ROBO1: variants seen among roughly 807,000 people sequenced by gnomAD.
ROBO1 encodes the protein roundabout guidance receptor 1, also known as roundabout homolog 1.
A neutral mutation model predicts 195.9 loss-of-function variants in ROBO1; 149 were observed. The ratio of observed to expected loss-of-function variants is 0.76; its 90% CI spans 0.67 to 0.87. The LOEUF is 0.87. Ranked by LOEUF, ROBO1 falls within the 40% of genes least tolerant of loss-of-function variation. ROBO1 has a pLI of 0.00. For missense variants in ROBO1, 1,933 were observed against 2,068.3 expected, an observed-to-expected ratio of 0.93 and a Z score of 1.27; for synonymous variants, 816 against 733.2, an observed-to-expected ratio of 1.11 and a Z score of -1.82.
chr3:79,527,545 TAGAAAA>T (rs1012274922), intron 2 of ROBO1, among the ~76,000 whole-genome samples: 3 of 151,894 alleles, frequency 2.0e-5, no homozygotes, highest in East Asian at 1.9e-4. Context: ...TATCTCTAGA[TAGAAAA>T]AGAAAATTCA....
intron 4 of ROBO1, among the ~76,000 whole-genome samples, chr3:78,838,332 T>C (rs1440101616): frequency 1.3e-5 from 2 of 152,240 alleles, no homozygotes; most frequent in African/African-American, 4.8e-5. Flanking sequence ...AACAATCTTG[T>C]CTGGCTCTCC....
At chr3:79,167,797 G>C (rs2081095296) in intron 2 of ROBO1, among the ~76,000 whole-genome samples, 2 of 152,140 alleles carry the variant, frequency 1.3e-5, no homozygotes, top group African/African-American at 4.8e-5. Context: ...TTTTGGTTTT[G>C]AGGTTTATTA....
chr3:79,408,251 A>T (rs1044828963), intron 2 of ROBO1, among the ~76,000 whole-genome samples: 8 of 151,882 alleles, frequency 5.3e-5, no homozygotes, highest in African/African-American at 1.9e-4. Context: ...AAATTAAAAA[A>T]TTTGGGAGAA....
chr3:79,023,864 C>T (rs536195484), intron 3 of ROBO1, among the ~76,000 whole-genome samples: 8 of 150,998 alleles, frequency 5.3e-5, no homozygotes, highest in South Asian at 2.1e-4. Flanking sequence ...CCACCACACC[C>T]GGCTATTTTT....
chr3:79,760,884 A>G (rs1704662749), intron 1 of ROBO1, among the ~76,000 whole-genome samples: 1 of 151,610 alleles, frequency 6.6e-6, no homozygotes, highest in African/African-American at 2.4e-5. Flanking sequence ...GAAGAAACAC[A>G]TTACACGTCA....
intron 1 of ROBO1, among the ~76,000 whole-genome samples, chr3:79,747,765 T>C (rs1703938507): frequency 6.6e-6 from 1 of 151,960 alleles, no homozygotes; most frequent in Admixed American, 6.6e-5. Flanking sequence ...GACAAATATG[T>C]AGTGTGTTTC....
At chr3:79,630,536 G>A (rs956278808) in intron 1 of ROBO1, among the ~76,000 whole-genome samples, 3 of 151,922 alleles carry the variant, frequency 2.0e-5, no homozygotes, top group Non-Finnish European at 4.4e-5. Flanking sequence ...CAACATCATT[G>A]TGAATGGGAA....
chr3:79,006,818 C>T (rs1042886176), intron 3 of ROBO1, among the ~76,000 whole-genome samples: 1 of 149,360 alleles, frequency 6.7e-6, no homozygotes, highest in African/African-American at 2.5e-5. Flanking sequence ...GACTTTAGAC[C>T]AGACTTCAGA....
At chr3:79,490,186 A>AG (rs1056766298) in intron 2 of ROBO1, among the ~76,000 whole-genome samples, 21 of 152,160 alleles carry the variant, frequency 1.4e-4, no homozygotes, top group African/African-American at 4.6e-4. Flanking sequence ...ACTAGAAAAA[A>AG]AAAGTTAAAA....
At chr3:78,960,928 G>A (rs1052795643) in intron 3 of ROBO1, among the ~76,000 whole-genome samples, 1 of 151,778 alleles carries the variant, frequency 6.6e-6, no homozygotes, top group Non-Finnish European at 1.5e-5. Flanking sequence ...CAAACTGTAA[G>A]CAGATCTGTT....
At chr3:78,948,330 T>C (rs1576451952) in intron 3 of ROBO1, among the ~76,000 whole-genome samples, 1 of 152,286 alleles carries the variant, frequency 6.6e-6, no homozygotes, top group East Asian at 1.9e-4. Flanking sequence ...TCAAGTGGGC[T>C]TCATCCCTGG....
intron 2 of ROBO1, among the ~76,000 whole-genome samples, chr3:79,344,628 G>T (rs913770653): frequency 6.6e-6 from 1 of 152,098 alleles, no homozygotes; most frequent in Non-Finnish European, 1.5e-5. Context: ...TTTCTAAGGT[G>T]TGATGTTAAT....
chr3:78,909,676 ATT>A (rs2038133360), intron 4 of ROBO1, among the ~76,000 whole-genome samples: 1 of 151,808 alleles, frequency 6.6e-6, no homozygotes, highest in Non-Finnish European at 1.5e-5. Context: ...TACTATTTTT[ATT>A]TCATTTTTCT....
intron 2 of ROBO1, among the ~76,000 whole-genome samples, chr3:79,159,700 C>CTCCT (rs1419882252): frequency 6.6e-6 from 1 of 152,004 alleles, no homozygotes; most frequent in East Asian, 1.9e-4. Flanking sequence ...GAACAAATTA[C>CTCCT]TCCTACTCTG....
At chr3:79,689,917 A>G (rs1947249966) in intron 1 of ROBO1, among the ~76,000 whole-genome samples, 1 of 152,026 alleles carries the variant, frequency 6.6e-6, no homozygotes, top group Non-Finnish European at 1.5e-5. Flanking sequence ...AGGACAGTGT[A>G]TAAGTTAAAA....
At chr3:78,663,138 G>A (rs530516881) in intron 14 of ROBO1, among the ~76,000 whole-genome samples, 23 of 150,914 alleles carry the variant, frequency 1.5e-4, no homozygotes, top group East Asian at 1.2e-3. Context: ...ATTAAATACC[G>A]TCAAACAATT....
chr3:79,628,225 G>A (rs1257090008), intron 1 of ROBO1, among the ~76,000 whole-genome samples: 2 of 152,088 alleles, frequency 1.3e-5, no homozygotes, highest in African/African-American at 4.8e-5. Context: ...CAAAGACTTG[G>A]AACAAACCCA....
chr3:78,613,251 A>G (rs1236715017), intron 28 of ROBO1, among the ~76,000 whole-genome samples: 3 of 152,306 alleles, frequency 2.0e-5, no homozygotes, highest in Middle Eastern at 3.4e-3. Flanking sequence ...TATGTATTCA[A>G]TTTAGATGTG....
At chr3:79,118,110 A>T (rs2080042330) in intron 3 of ROBO1, among the ~76,000 whole-genome samples, 1 of 152,206 alleles carries the variant, frequency 6.6e-6, no homozygotes, top group Non-Finnish European at 1.5e-5. Flanking sequence ...ACTACTTTGA[A>T]GGCTTTTGAG....
Sources: gnomAD v4.1 joint callset for allele counts (sites outside exome capture counted in the v4.1 genomes callset) on GRCh38, gnomAD v4.1.1 for gene constraint, MANE v1.5 for transcripts, NCBI Gene and HGNC (gene_info 2026-07-23, HGNC 2026-07-21) for gene names.